The following FNDC3B variants were observed in gnomAD, a reference collection of about 807,000 sequenced individuals.
The protein encoded by FNDC3B is fibronectin type III domain containing 3B.
Under a neutral mutation model 151.5 loss-of-function variants are expected in FNDC3B, and 12 were observed. That is an observed-to-expected ratio of 0.08 (90% confidence interval 0.05 to 0.13). The LOEUF is 0.13. Among genes scored for constraint, FNDC3B ranks in the 10% least tolerant of loss-of-function variants. The pLI is 1.00. For synonymous variants in FNDC3B, 528 were observed against 549.0 expected (o/e 0.96, Z 0.54); for missense variants, 1,214 against 1,505.3 (o/e 0.81, Z 3.20).
intron 1 of FNDC3B, among the ~76,000 whole-genome samples, chr3:172,054,499 G>A (rs1224326471): frequency 3.3e-5 from 5 of 152,194 alleles, no homozygotes; most frequent in Non-Finnish European, 7.3e-5. Context: ...TTTGTGGAGG[G>A]GTGTAGACAA....
At chr3:172,156,198 T>G (rs548567553) in intron 3 of FNDC3B, among the ~76,000 whole-genome samples, 1 of 152,360 alleles carries the variant, frequency 6.6e-6, no homozygotes, top group East Asian at 1.9e-4. Context: ...TCTCTTTGCC[T>G]TATTAAAAAA....
chr3:172,148,713 C>A (rs746680058), intron 3 of FNDC3B: 9 of 152,128 alleles, frequency 5.9e-5, no homozygotes, highest in African/African-American at 2.2e-4. Context: ...TTATTGATTG[C>A]CAGACTGAGT....
At chr3:172,354,364 A>G (rs1270227833) in intron 22 of FNDC3B, among the ~76,000 whole-genome samples, 1 of 151,950 alleles carries the variant, frequency 6.6e-6, no homozygotes, top group African/African-American at 2.4e-5. Flanking sequence ...TATATTTTAT[A>G]TCATGAAATC....
At chr3:172,241,679 T>C (rs1326013371) in intron 4 of FNDC3B, among the ~76,000 whole-genome samples, 1 of 152,116 alleles carries the variant, frequency 6.6e-6, no homozygotes, top group East Asian at 1.9e-4. Flanking sequence ...CATGATTCAG[T>C]TACCTCCCAC....
At chr3:172,336,826 C>T (rs1257985841) in intron 15 of FNDC3B, among the ~76,000 whole-genome samples, 1 of 151,756 alleles carries the variant, frequency 6.6e-6, no homozygotes, top group Non-Finnish European at 1.5e-5. Context: ...TCGCTTGAAC[C>T]CAGGAGGCAG....
At chr3:172,127,796 G>A (rs552321536) in intron 2 of FNDC3B, among the ~76,000 whole-genome samples, 2 of 152,120 alleles carry the variant, frequency 1.3e-5, no homozygotes, top group African/African-American at 4.8e-5. Context: ...CTCCAGAGTA[G>A]CTGAGACTAC....
At chr3:172,270,316 A>C (rs904709603) in intron 6 of FNDC3B, among the ~76,000 whole-genome samples, 7 of 151,040 alleles carry the variant, frequency 4.6e-5, no homozygotes, top group Non-Finnish European at 1.0e-4. Context: ...TTTTATTAAA[A>C]CCCCCATGTT....
chr3:172,107,268 A>G (rs962538298), intron 1 of FNDC3B, among the ~76,000 whole-genome samples: 15 of 152,228 alleles, frequency 9.9e-5, no homozygotes, highest in African/African-American at 9.6e-5. Context: ...AAGTATGGGT[A>G]CAAACAAAAT....
chr3:172,273,469 A>T (rs1729296562), intron 6 of FNDC3B, among the ~76,000 whole-genome samples: 1 of 152,126 alleles, frequency 6.6e-6, no homozygotes, highest in Non-Finnish European at 1.5e-5. Context: ...TTCTCTGTTC[A>T]TTCTATCTGA....
At chr3:172,361,377 G>T (rs1734354939) in intron 22 of FNDC3B, among the ~76,000 whole-genome samples, 1 of 152,166 alleles carries the variant, frequency 6.6e-6, no homozygotes, top group Non-Finnish European at 1.5e-5. Context: ...ATCATAGGTT[G>T]TTAGAAGCAG....
rs563138306 is a variant in FNDC3B, at chr3:172,273,808, C to G, written c.791-12118C>G. On this transcript the variant is annotated intron_variant, in intron 6 of 25. Transcript: ENST00000415807. ...AGTTTCTTCAAATACAGAAAAACAT[C>G]TGGAGCCGTAAATAAGTTGAGCAGC... is the stretch of plus-strand genomic sequence containing the variant. Among the ~76,000 whole-genome samples, 7 of 152,256 alleles carry G rather than the reference C, an allele frequency of 4.6e-5. No individual in the cohort carries two copies. In the East Asian group the frequency reaches 1.3e-3, roughly 29 times the overall value.
chr3:172,040,015 C>T lies in FNDC3B; in HGVS notation c.-29+244C>T, dbSNP rs1176958529. Among the ~76,000 whole-genome samples, 2 of 152,082 alleles carry T rather than the reference C, an allele frequency of 1.3e-5. No homozygotes were observed. Among genetic ancestry groups the T allele is most frequent in the Non-Finnish European group, 2.9e-5 (2 of 67,976 alleles). ...GGCCCCCGCCTTGCTGGGCTGGGGT[C>T]CCCCGCCTGTGCCCCCTGCCTCAGG... is the stretch of plus-strand genomic sequence containing the variant. On this transcript the variant is annotated intron_variant, in intron 1 of 25. Coordinates refer to ENST00000415807, the MANE Select transcript of FNDC3B (RefSeq NM_022763.4). The surrounding 1 kb of genome is among the most constrained non-coding windows in gnomAD (Gnocchi z 6.6).
chr3:172,101,005 T>A (rs1201336005), intron 1 of FNDC3B, among the ~76,000 whole-genome samples: 1 of 152,242 alleles, frequency 6.6e-6, no homozygotes, highest in Non-Finnish European at 1.5e-5. Flanking sequence ...CTGTCAGTGA[T>A]GTTTAATGGT....
chr3:172,210,814 G>A (rs1725697267), intron 3 of FNDC3B, among the ~76,000 whole-genome samples: 1 of 152,210 alleles, frequency 6.6e-6, no homozygotes, highest in African/African-American at 2.4e-5. Flanking sequence ...GCTCAAGTGA[G>A]AGAATTAGCT....
chr3:172,385,691 T>C (rs1735677520), intron 25 of FNDC3B, among the ~76,000 whole-genome samples: 1 of 151,982 alleles, frequency 6.6e-6, no homozygotes. Flanking sequence ...CCCGAGTAGC[T>C]GGGACTACAG....
intron 14 of FNDC3B, 21 bp from the exon 15 acceptor site, chr3:172,334,923 G>A (rs757401150): frequency 7.1e-5 from 113 of 1,602,468 alleles, no homozygotes; most frequent in South Asian, 2.0e-4. Flanking sequence ...TCATGTTAAC[G>A]TTTCCTTGGT....
chr3:172,289,423 A>G (rs1329447541), intron 7 of FNDC3B, among the ~76,000 whole-genome samples: 1 of 151,602 alleles, frequency 6.6e-6, no homozygotes, highest in East Asian at 1.9e-4. Flanking sequence ...CATATAAGGT[A>G]TTCATAGGTT....
rs774776075 is a variant in FNDC3B, at chr3:172,200,920, C to A, written c.188-25951C>A. Among the ~76,000 whole-genome samples, 6 of 152,088 alleles carry A rather than the reference C, an allele frequency of 3.9e-5. No individual in the cohort carries two copies. The South Asian group carries it at 1.2e-3, about 32-fold the overall frequency. ...TTTTCTCAAAAGGGTACCCAGCACC[C>A]GAGTACCTTTCTTTTGTTTAATTTT... On this transcript the variant is annotated intron_variant, in intron 3 of 25. Transcript: ENST00000415807.
At chr3:172,102,644 G>A (rs980012630) in intron 1 of FNDC3B, among the ~76,000 whole-genome samples, 95 of 152,200 alleles carry the variant, frequency 6.2e-4, no homozygotes, top group Non-Finnish European at 1.2e-3. Flanking sequence ...AAAGCAGTGG[G>A]ACCTGTCAAA....
Sources: allele counts gnomAD v4.1 joint callset (sites outside exome capture counted in the v4.1 genomes callset), GRCh38; gene constraint gnomAD v4.1.1; non-coding constraint Gnocchi (gnomAD v3.1); transcripts MANE v1.5; gene names NCBI Gene and HGNC (gene_info 2026-07-23, HGNC 2026-07-21).